NCALD: variants seen among roughly 807,000 people sequenced by gnomAD.
NCALD encodes neurocalcin-delta.
In NCALD, 10 loss-of-function variants were observed where a neutral mutation model predicts 18.6. The observed-to-expected ratio is 0.54, with a 90% CI of 0.33 to 0.91. The LOEUF (loss-of-function observed/expected upper bound fraction) is 0.91, where lower values mean the gene tolerates loss of function less well. Among genes scored for constraint, NCALD ranks in the 40% least tolerant of loss-of-function variants. NCALD has a pLI of 0.03. For missense variants in NCALD, 184 were observed against 247.6 expected, an observed-to-expected ratio of 0.74 and a Z score of 1.72; for synonymous variants, 88 against 87.4, an observed-to-expected ratio of 1.01 and a Z score of -0.04.
At chr8:101,818,474 C>T (rs1392134730) in intron 4 of NCALD, among the ~76,000 whole-genome samples, 1 of 152,144 alleles carries the variant, frequency 6.6e-6, no homozygotes, top group African/African-American at 2.4e-5. Flanking sequence ...CATGTAAGAG[C>T]TGACACTCAA....
At chr8:101,813,937 C>T (rs574770790) in intron 4 of NCALD, among the ~76,000 whole-genome samples, 11 of 152,004 alleles carry the variant, frequency 7.2e-5, no homozygotes, top group East Asian at 1.9e-4. Flanking sequence ...TGATTATACT[C>T]GGAAAAGTAT....
At chr8:101,800,965 A>T (rs1306462808) in intron 4 of NCALD, among the ~76,000 whole-genome samples, 1 of 85,072 alleles carries the variant, frequency 1.2e-5, no homozygotes, top group African/African-American at 4.8e-5. Context: ...GGAGGGGAGA[A>T]GAGGGGAGGG....
intron 4 of NCALD, among the ~76,000 whole-genome samples, chr8:101,824,856 T>C (rs776952351): frequency 6.6e-6 from 1 of 152,186 alleles, no homozygotes. Flanking sequence ...ACAGAGGCCA[T>C]CATTCATTCT....
intron 4 of NCALD, among the ~76,000 whole-genome samples, chr8:101,828,599 A>T (rs566940791): frequency 6.9e-6 from 1 of 145,394 alleles, no homozygotes; most frequent in South Asian, 2.2e-4. Flanking sequence ...CCACAAACTT[A>T]TATAACTCAT....
intron 4 of NCALD, among the ~76,000 whole-genome samples, chr8:101,836,137 ACAC>A (rs1184539157): frequency 2.6e-5 from 4 of 152,252 alleles, no homozygotes; most frequent in Admixed American, 2.0e-4. Flanking sequence ...GCCAGGATAA[ACAC>A]CATCAAATAC....
At chr8:101,995,534 T>C (rs557830553) in intron 2 of NCALD, among the ~76,000 whole-genome samples, 2 of 152,162 alleles carry the variant, frequency 1.3e-5, no homozygotes, top group South Asian at 2.1e-4. Context: ...GCACATCACA[T>C]GGCGAAAACA....
intron 1 of NCALD, among the ~76,000 whole-genome samples, chr8:102,035,839 C>T (rs1377923161): frequency 1.3e-5 from 2 of 152,154 alleles, no homozygotes; most frequent in Non-Finnish European, 2.9e-5. Context: ...CATGTTCTTG[C>T]AGCATTTCTA....
intron 2 of NCALD, among the ~76,000 whole-genome samples, chr8:101,972,282 G>A (rs1252119674): frequency 1.3e-5 from 2 of 152,182 alleles, no homozygotes; most frequent in African/African-American, 4.8e-5. Flanking sequence ...TTGTGGTCAG[G>A]CACAGTTGGA....
At chr8:101,866,864 C>A (rs182161720) in intron 4 of NCALD, among the ~76,000 whole-genome samples, 3 of 152,304 alleles carry the variant, frequency 2.0e-5, no homozygotes, top group Non-Finnish European at 2.9e-5. Context: ...CCAGAGAGGT[C>A]TGACTTAAAG....
chr8:101,784,466 C>T (rs1346923103), intron 1 of NCALD, among the ~76,000 whole-genome samples: 1 of 152,088 alleles, frequency 6.6e-6, no homozygotes, highest in Admixed American at 6.6e-5. Flanking sequence ...AAGGGAGGGG[C>T]AATAGACTTC....
chr8:102,075,937 G>A (rs1324283253), intron 1 of NCALD, among the ~76,000 whole-genome samples: 3 of 150,744 alleles, frequency 2.0e-5, no homozygotes, highest in Non-Finnish European at 4.4e-5. Context: ...GGGTGACAGA[G>A]CGAGATTCTG....
chr8:102,103,840 C>T (rs1554597892), intron 1 of NCALD, among the ~76,000 whole-genome samples: 1 of 152,122 alleles, frequency 6.6e-6, no homozygotes, highest in Non-Finnish European at 1.5e-5. Context: ...TATGAGGGGA[C>T]TTTTTTAATC....
At chr8:101,974,070 T>C (rs1311762143) in intron 2 of NCALD, among the ~76,000 whole-genome samples, 1 of 152,156 alleles carries the variant, frequency 6.6e-6, no homozygotes, top group Non-Finnish European at 1.5e-5. Flanking sequence ...AGAGCTATGT[T>C]AACAAGTGGC....
chr8:101,775,058 C>T (rs1811737209), intron 1 of NCALD, among the ~76,000 whole-genome samples: 1 of 152,112 alleles, frequency 6.6e-6, no homozygotes, highest in African/African-American at 2.4e-5. Context: ...GGGTTGTTTT[C>T]CCAGTTGTGT....
rs117121788 is a variant in NCALD, at chr8:101,776,706, G to A, written c.-20+14156C>T. Among the ~76,000 whole-genome samples, 823 of 152,264 alleles carry A rather than the reference G, an allele frequency of 5.4e-3. 10 individuals carry two copies. Among genetic ancestry groups the A allele is most frequent in the East Asian group, 0.028 (146 of 5,176 alleles). On this transcript the variant is annotated intron_variant, in intron 1 of 3. Transcript: ENST00000220931. ...TGATTTCATAATGTCCCTGTGAAGT[G>A]AGGACTTAGTACAAGTAATGCTACT...
intron 1 of NCALD, among the ~76,000 whole-genome samples, chr8:102,115,182 G>C (rs1244301618): frequency 6.6e-6 from 1 of 152,222 alleles, no homozygotes; most frequent in Non-Finnish European, 1.5e-5. Flanking sequence ...CAGGTAGTGA[G>C]ACTAAATTCT....
intron 1 of NCALD, among the ~76,000 whole-genome samples, chr8:102,059,168 A>G (rs1823757303): frequency 6.6e-6 from 1 of 152,194 alleles, no homozygotes; most frequent in Admixed American, 6.5e-5. Context: ...TACCTAGAAC[A>G]TTCTCTCCTA....
intron 2 of NCALD, among the ~76,000 whole-genome samples, chr8:101,930,807 T>C (rs943145744): frequency 4.6e-5 from 7 of 152,044 alleles, no homozygotes; most frequent in African/African-American, 1.7e-4. Context: ...CAGCATGAAG[T>C]GAGTGTGTGA....
chr8:101,701,414 C>T (rs1363749556), intron 2 of NCALD, among the ~76,000 whole-genome samples: 1 of 152,138 alleles, frequency 6.6e-6, no homozygotes, highest in Admixed American at 6.5e-5. Context: ...TTGAAAAGTC[C>T]TTTTCTTGTC....
Sources: allele counts gnomAD v4.1 joint callset (sites outside exome capture counted in the v4.1 genomes callset), GRCh38; gene constraint gnomAD v4.1.1; transcripts MANE v1.5; gene names NCBI Gene and HGNC (gene_info 2026-07-23, HGNC 2026-07-21).